The following EOLA2 variants were observed in gnomAD, a reference collection of about 807,000 sequenced individuals.
EOLA2 encodes the protein protein EOLA2.
A neutral mutation model predicts 4.1 loss-of-function variants in EOLA2; 3 were observed. That is an observed-to-expected ratio of 0.73 (90% CI 0.33 to 1.89). The LOEUF (loss-of-function observed/expected upper bound fraction) is 1.89. Among genes scored for constraint, EOLA2 ranks in the 40% most tolerant of loss-of-function variants. The probability of loss-of-function intolerance (pLI) is 0.08; values close to 1 mark genes in which losing one functional copy is unlikely to be tolerated. For synonymous variants in EOLA2, 52 were observed against 51.7 expected (o/e 1.01, Z -0.03); for missense variants, 109 against 126.4 (o/e 0.86, Z 0.66).
At chrX:149,937,595 G>A (rs2091030473) in intron 1 of EOLA2, 115 bp from the exon 2 acceptor site, 1 of 124,473 alleles carries the variant, frequency 8.0e-6, no homozygotes, top group Non-Finnish European at 1.6e-5. Context: ...GAGCTGGGAG[G>A]GCCGGTCCTA....
At chrX:149,935,575 G>A (rs1311829659) in intron 2 of EOLA2, among the ~76,000 whole-genome samples, 1 of 69,083 alleles carries the variant, frequency 1.4e-5, no homozygotes, top group Non-Finnish European at 2.6e-5. Context: ...ACCCATGGCC[G>A]GCCTCATGCC....
At chrX:149,931,025 T>A, downstream of EOLA2, 1 of 937,786 alleles carries the variant, frequency 1.1e-6, no homozygotes, top group Non-Finnish European at 1.3e-6. Flanking sequence ...AATGTCTTTG[T>A]ACAATATCTG....
At chrX:149,934,179 T>C (rs1178829794) in intron 2 of EOLA2, 42 bp from the exon 3 acceptor site, 40 of 968,567 alleles carry the variant, frequency 4.1e-5, no homozygotes, top group Non-Finnish European at 5.2e-5. Flanking sequence ...GTCAGTGCTA[T>C]GACAGAGGTC....
chrX:149,933,978 C>G (rs2090933579), intron 3 of EOLA2, 27 bp downstream of exon 3: 6 of 1,146,700 alleles, frequency 5.2e-6, no homozygotes, highest in Non-Finnish European at 6.9e-6. Context: ...CCCCCCGTGT[C>G]TCTCAGGTGG....
At chrX:149,935,087 CTTCCT>C (rs1277081429) in intron 2 of EOLA2, among the ~76,000 whole-genome samples, 1 of 109,551 alleles carries the variant, frequency 9.1e-6, no homozygotes, top group Non-Finnish European at 1.9e-5. Context: ...TCTCTCTGTC[CTTCCT>C]TTCAACACAT....
In EOLA2 at chrX:149,932,577, T is replaced by C. The variant is rs1557374574; in HGVS notation, c.444A>G (p.Pro148=). The C allele has an allele frequency of 1.7e-6, 2 of 1,203,762 alleles. No homozygotes were observed. The highest frequency in any genetic ancestry group is 4.4e-5 in the Admixed American group (2 of 45,264). ...GGKDVFQVDI[P]EHLIPLGHEV is the part of the protein sequence containing the mutation. ...CATGCCCCAAAGGGATCAGGTGCTC[T>C]GGGATGTCTACCTGGAATACATCCT... is the stretch of plus-strand genomic sequence containing the variant. The change falls in exon 5 of 5, where the codon CCA becomes CCG. Residue 148 remains proline, a synonymous_variant. Transcript: ENST00000370406.
At position 149,933,524 on chromosome X, in the gene EOLA2, A is replaced by C. The variant is rs1387815795; in HGVS notation, c.253+98T>G. On this transcript the variant is annotated intron_variant, in intron 4 of 4. Coordinates refer to ENST00000370406, the MANE Select transcript of EOLA2 (RefSeq NM_001013845.2). ...CAAAGGAAACTGTGTTATACACGCCAATCAGTTCAGATGACAAGAGAAGCC... is the reference window on the plus strand; with the variant it reads ...CAAAGGAAACTGTGTTATACACGCCCATCAGTTCAGATGACAAGAGAAGCC... The C allele has an allele frequency of 1.0e-5, 9 of 900,975 alleles. No individual in the cohort carries two copies. The East Asian group carries it at 1.6e-4, about 16-fold the overall frequency. 74.3% of individuals were successfully genotyped at this position (900,975 alleles called of 1,213,427 possible). A position where few individuals can be genotyped will look rare whatever the true frequency, so the allele number is the denominator to read the frequency against.
chrX:149,933,715 G>A lies in EOLA2; in HGVS notation c.160C>T (p.Arg54Trp), dbSNP rs373378421. 9 of 1,206,189 alleles carry A rather than the reference G, an allele frequency of 7.5e-6. No individual in the cohort carries two copies. The highest frequency in any genetic ancestry group is 7.3e-5 in the African/African-American group (4 of 54,531). The change falls in exon 4 of 5, where the codon CGG (arginine) becomes TGG (tryptophan). Residue 54 changes from arginine (R) to tryptophan (W), a missense_variant. Physicochemically the swap from Arg to Trp is moderately radical, Grantham distance 101. Coordinates refer to ENST00000370406, the MANE Select transcript of EOLA2 (RefSeq NM_001013845.2). ...AHRDWEGDAC[R>W]ELLVERLGMT... ...CCGAGTCTCTCCACCAGCAGCTCCC[G>A]ACAGGCATCGCCTTCCCAGTCCCTG...
At chrX:149,930,342 A>C (rs1557374109), downstream of EOLA2, among the ~76,000 whole-genome samples, 1 of 112,028 alleles carries the variant, frequency 8.9e-6, no homozygotes, top group Non-Finnish European at 1.9e-5. Context: ...TGTAAGCATC[A>C]TATTTTGCAG....
chrX:149,934,430 C>T, intron 2 of EOLA2: 1 of 743,189 alleles, frequency 1.3e-6, no homozygotes, highest in South Asian at 6.9e-5. Context: ...TATCCAATCT[C>T]AGCTCTGTCC....
In EOLA2 at chrX:149,932,549, C is replaced by T. The variant is rs781808321; in HGVS notation, c.472G>A (p.Val158Met). ...CTTTCAGGAGCCCACACTTGTCACA[C>T]TTCATGCCCCAAAGGGATCAGGTGC... is the stretch of plus-strand genomic sequence containing the variant. ...PEHLIPLGHE[V>M] The change falls in exon 5 of 5, where the codon GTG becomes ATG. Residue 158 changes from valine (V) to methionine (M), a missense_variant. By Grantham distance (21) the Val-to-Met change is conservative. Coordinates refer to ENST00000370406, the MANE Select transcript of EOLA2 (RefSeq NM_001013845.2). The T allele has an allele frequency of 3.3e-6, 4 of 1,204,889 alleles. No individual in the cohort carries two copies. The highest frequency in any genetic ancestry group is 2.2e-5 in the Admixed American group (1 of 45,494).
chrX:149,930,099 G>A (rs1557374065), downstream of EOLA2: 3 of 1,157,716 alleles, frequency 2.6e-6, no homozygotes, highest in Non-Finnish European at 3.4e-6. Context: ...ACACGCCCAA[G>A]CAACTCTCCA....
Position 149,933,750 on chromosome X carries a change from T to C in EOLA2, c.125A>G (p.His42Arg). The C allele has an allele frequency of 8.3e-7, 1 of 1,208,169 alleles. No individual in the cohort carries two copies. Among genetic ancestry groups the C allele is most frequent in the Non-Finnish European group, 1.1e-6 (1 of 894,995 alleles). The change falls in exon 4 of 5, where the codon CAC becomes CGC. Residue 42 changes from histidine (H) to arginine (R), a missense_variant. Physicochemically the swap from His to Arg is conservative, Grantham distance 29. Transcript: ENST00000370406. ...GCCTTCCCAGTCCCTGTGAGCAATG[T>C]GGACGGCGATGGTACAGTTCCGCTG... ...SSQRNCTIAV[H>R]IAHRDWEGDA...
chrX:149,934,226 C>T (rs2090939890), intron 2 of EOLA2, 89 bp from the exon 3 acceptor site: 2 of 817,999 alleles, frequency 2.4e-6, no homozygotes, highest in African/African-American at 4.2e-5. Context: ...CAGAGGGCCC[C>T]CTCGGCCTAG....
rs1412676033 is a variant in EOLA2, at chrX:149,938,297, G to A, written c.-315C>T. 1.8e-5 allele frequency: 2 copies of A among 112,672 alleles called. No homozygotes were observed. The highest frequency in any genetic ancestry group is 3.8e-5 in the Non-Finnish European group (2 of 53,288). 9.3% of individuals were successfully genotyped at this position (112,672 alleles called of 1,213,427 possible). On this transcript the variant is annotated 5_prime_UTR_variant, in exon 1 of 5. Transcript: ENST00000370406. The stretch of plus-strand genomic sequence containing the variant: ...AGAGTACAGTCCTCCGCCTCCTCGC[G>A]ACCCAGCGAGGCCACCGGAGCCAGC...
rs2090944765 is a variant in EOLA2 at position 149,934,469 on chromosome X, CTCAG to C, written c.-162-336_-162-333del. The C allele has an allele frequency of 4.0e-6, 3 of 742,307 alleles. No individual in the cohort carries two copies. The African/African-American group carries it at 7.0e-5, about 17-fold the overall frequency. 61.2% of individuals were successfully genotyped at this position (742,307 alleles called of 1,213,427 possible). ...GGATGCACCGTGACCTCAGATGGCC[CTCAG>C]TCAGACATCTCCTCTCCACCCCTCT... On this transcript the variant is annotated intron_variant, in intron 2 of 4. Coordinates refer to ENST00000370406, the MANE Select transcript of EOLA2 (RefSeq NM_001013845.2).
intron 1 of EOLA2, among the ~76,000 whole-genome samples, chrX:149,937,812 T>TG (rs1371131249): frequency 8.9e-6 from 1 of 112,457 alleles, no homozygotes; most frequent in African/African-American, 3.2e-5. Flanking sequence ...GACGAGGGTT[T>TG]GGGGGGCCTA....
chrX:149,937,469 T>TG lies in EOLA2; in HGVS notation c.-200dup. ...CCAGAGGAGGAAACACTCTTCCACT[T>TG]GGTTTCTTTACCTGCACAACAAGGA... On this transcript the variant is annotated 5_prime_UTR_variant, in exon 2 of 5. Coordinates refer to ENST00000370406, the MANE Select transcript of EOLA2 (RefSeq NM_001013845.2). The TG allele has an allele frequency of 1.4e-6, 1 of 704,372 alleles. No homozygotes were observed. Among genetic ancestry groups the TG allele is most frequent in the Middle Eastern group, 4.2e-4 (1 of 2,378 alleles). The allele number at this position is 704,372 out of a possible 1,213,427, so 58.0% of individuals were successfully genotyped here.
chrX:149,937,876 C>A (rs1218040650), intron 1 of EOLA2, among the ~76,000 whole-genome samples: 1 of 112,957 alleles, frequency 8.9e-6, no homozygotes, highest in African/African-American at 3.2e-5. Flanking sequence ...CACGGGGCCA[C>A]AGGCCACAGA....
Sources: gnomAD v4.1 joint callset for allele counts (sites outside exome capture counted in the v4.1 genomes callset) on GRCh38, gnomAD v4.1.1 for gene constraint, MANE v1.5 for transcripts, NCBI Gene and HGNC (gene_info 2026-07-23, HGNC 2026-07-21) for gene names.